ERBB4: variants seen among roughly 807,000 people sequenced by gnomAD.
ERBB4 encodes the protein erb-b2 receptor tyrosine kinase 4.
A neutral mutation model predicts 158.0 loss-of-function variants in ERBB4; 42 were observed. That is an observed-to-expected ratio of 0.27 (90% CI 0.21 to 0.34). ERBB4 has a LOEUF of 0.34. Among genes scored for constraint, ERBB4 ranks in the 10% least tolerant of loss-of-function variants. The pLI, the probability that ERBB4 is intolerant of heterozygous loss-of-function variation, is 1.00. For synonymous variants in ERBB4, 583 were observed against 558.7 expected (o/e 1.04, Z -0.61); for missense variants, 1,333 against 1,624.1 (o/e 0.82, Z 3.08).
chr2:211,441,681 T>C (rs2063980944), intron 20 of ERBB4, among the ~76,000 whole-genome samples: 1 of 152,190 alleles, frequency 6.6e-6, no homozygotes, highest in Non-Finnish European at 1.5e-5. Context: ...CTACAGCTTA[T>C]AATGTTTCAA....
chr2:212,415,461 T>C (rs2091625077), intron 1 of ERBB4, among the ~76,000 whole-genome samples: 1 of 152,156 alleles, frequency 6.6e-6, no homozygotes, highest in Non-Finnish European at 1.5e-5. Flanking sequence ...TATACCTGTA[T>C]TTGCAGATCT....
chr2:212,512,658 C>A (rs1560522343), intron 1 of ERBB4, among the ~76,000 whole-genome samples: 1 of 152,118 alleles, frequency 6.6e-6, no homozygotes, highest in Non-Finnish European at 1.5e-5. Flanking sequence ...TTTCCTATTT[C>A]ATTCTGCATA....
At chr2:211,773,656 T>C (rs182238449) in intron 4 of ERBB4, among the ~76,000 whole-genome samples, 16,664 of 119,266 alleles carry the variant, frequency 0.14, 1,733 homozygotes, top group South Asian at 0.32. Flanking sequence ...ATAATATATA[T>C]ACACACACAC....
At chr2:211,869,479 A>G (rs959421337) in intron 3 of ERBB4, among the ~76,000 whole-genome samples, 1 of 152,176 alleles carries the variant, frequency 6.6e-6, no homozygotes, top group South Asian at 2.1e-4. Flanking sequence ...ATAGCATTTT[A>G]TCACCTAGCA....
At chr2:212,016,767 C>T (rs1005870877) in intron 2 of ERBB4, among the ~76,000 whole-genome samples, 38 of 152,108 alleles carry the variant, frequency 2.5e-4, no homozygotes, top group African/African-American at 8.2e-4. Flanking sequence ...TAGTGAGATA[C>T]CTTACCTTGC....
At chr2:212,478,472 A>T (rs568405274) in intron 1 of ERBB4, among the ~76,000 whole-genome samples, 1 of 150,844 alleles carries the variant, frequency 6.6e-6, no homozygotes, top group Admixed American at 6.6e-5. Flanking sequence ...AATAAATATA[A>T]AATATAAGTG....
chr2:211,511,553 A>G (rs1053881772), intron 20 of ERBB4, among the ~76,000 whole-genome samples: 3 of 152,054 alleles, frequency 2.0e-5, no homozygotes, highest in African/African-American at 7.2e-5. Flanking sequence ...CCTAATAAGA[A>G]ATGACAAACC....
intron 2 of ERBB4, among the ~76,000 whole-genome samples, chr2:211,974,885 C>T (rs749866524): frequency 1.9e-4 from 29 of 152,284 alleles, no homozygotes; most frequent in South Asian, 8.3e-4. Context: ...GAAATACATG[C>T]ATTCATGGGA....
At chr2:211,489,238 A>G (rs188161138) in intron 20 of ERBB4, among the ~76,000 whole-genome samples, 1 of 152,052 alleles carries the variant, frequency 6.6e-6, no homozygotes, top group South Asian at 2.1e-4. Context: ...GAATAAATGG[A>G]TAATAAAAAT....
intron 1 of ERBB4, among the ~76,000 whole-genome samples, chr2:212,135,774 G>T (rs2080252635): frequency 1.3e-5 from 2 of 152,068 alleles, no homozygotes; most frequent in Admixed American, 1.3e-4. Context: ...CATTTCCTGT[G>T]AAAGTGCTAG....
chr2:212,428,753 G>T (rs1441599201), intron 1 of ERBB4, among the ~76,000 whole-genome samples: 2 of 152,138 alleles, frequency 1.3e-5, no homozygotes, highest in African/African-American at 4.8e-5. Context: ...TAGAGGAAAG[G>T]TAGATGGTTT....
intron 25 of ERBB4, among the ~76,000 whole-genome samples, chr2:211,388,976 A>C (rs1229327449): frequency 6.6e-6 from 1 of 152,206 alleles, no homozygotes; most frequent in Non-Finnish European, 1.5e-5. Flanking sequence ...TCTGCGATCC[A>C]GCTTTAAGTA....
intron 1 of ERBB4, among the ~76,000 whole-genome samples, chr2:212,280,302 G>A (rs1232053991): frequency 6.6e-6 from 1 of 151,462 alleles, no homozygotes; most frequent in Non-Finnish European, 1.5e-5. Context: ...TTTAAGGCAA[G>A]ACATGAAAAT....
intron 1 of ERBB4, among the ~76,000 whole-genome samples, chr2:212,320,137 C>T (rs778951160): frequency 2.0e-5 from 3 of 148,342 alleles, no homozygotes; most frequent in East Asian, 2.0e-4. Flanking sequence ...TCCAGGTTTG[C>T]GGGATGGAAA....
chr2:212,109,513 A>G (rs923338805), intron 2 of ERBB4, among the ~76,000 whole-genome samples: 1 of 152,208 alleles, frequency 6.6e-6, no homozygotes, highest in Admixed American at 6.5e-5. Flanking sequence ...ATGGCTTTCT[A>G]AAAACATATT....
At chr2:212,124,488 T>G in intron 2 of ERBB4, 2 of 459,008 alleles carry the variant, frequency 4.4e-6, no homozygotes, top group South Asian at 4.5e-5. Flanking sequence ...ATTTGCTAGA[T>G]GTCATGTACT....
chr2:212,394,596 G>C (rs1367576000), intron 1 of ERBB4, among the ~76,000 whole-genome samples: 1 of 152,038 alleles, frequency 6.6e-6, no homozygotes, highest in East Asian at 1.9e-4. Flanking sequence ...GATCAGAAAA[G>C]ATGTTTACTA....
At chr2:211,493,074 T>G (rs570946606) in intron 20 of ERBB4, among the ~76,000 whole-genome samples, 1 of 152,250 alleles carries the variant, frequency 6.6e-6, no homozygotes, top group Admixed American at 6.5e-5. Flanking sequence ...GTCACTCTTG[T>G]GAGGCTAGAT....
intron 1 of ERBB4, among the ~76,000 whole-genome samples, chr2:212,443,932 A>G (rs1347218083): frequency 1.3e-5 from 2 of 152,196 alleles, no homozygotes; most frequent in East Asian, 1.9e-4. Flanking sequence ...TGAATTGCCT[A>G]TCATGAACTG....
Sources: allele counts gnomAD v4.1 joint callset (sites outside exome capture counted in the v4.1 genomes callset), GRCh38; gene constraint gnomAD v4.1.1; transcripts MANE v1.5; gene names NCBI Gene and HGNC (gene_info 2026-07-23, HGNC 2026-07-21).